FHIT: variants seen among roughly 807,000 people sequenced by gnomAD.
FHIT encodes fragile histidine triad diadenosine triphosphatase.
FHIT carries 19 observed loss-of-function variants against 17.9 expected under a neutral mutation model. The observed-to-expected ratio is 1.06, with a 90% CI of 0.74 to 1.56. FHIT has a LOEUF of 1.56. Among genes scored for constraint, FHIT ranks in the 40% most tolerant of loss-of-function variants. The pLI, the probability that FHIT is intolerant of heterozygous loss-of-function variation, is 0.00. For missense variants in FHIT, 248 were observed against 189.2 expected (o/e 1.31, Z -1.82); for synonymous variants, 81 against 69.7 (o/e 1.16, Z -0.81).
chr3:60,323,049 G>A (rs1425996523), intron 5 of FHIT, among the ~76,000 whole-genome samples: 1 of 152,094 alleles, frequency 6.6e-6, no homozygotes, highest in Non-Finnish European at 1.5e-5. Flanking sequence ...TGGAAGTAGA[G>A]CATTCTCCCC....
At chr3:59,817,154 A>T (rs1050557711) in intron 8 of FHIT, among the ~76,000 whole-genome samples, 1 of 152,148 alleles carries the variant, frequency 6.6e-6, no homozygotes, top group Admixed American at 6.5e-5. Context: ...CATCTATAAG[A>T]TCCTCTGTTT....
chr3:59,857,325 A>G (rs900947491), intron 8 of FHIT, among the ~76,000 whole-genome samples: 1 of 152,058 alleles, frequency 6.6e-6, no homozygotes, highest in Non-Finnish European at 1.5e-5. Flanking sequence ...ATGTCACCGC[A>G]ACTCTCTCCA....
At chr3:60,603,628 A>G (rs1406756253) in intron 4 of FHIT, among the ~76,000 whole-genome samples, 2 of 152,142 alleles carry the variant, frequency 1.3e-5, no homozygotes, top group Non-Finnish European at 2.9e-5. Flanking sequence ...CTAAAAAGGA[A>G]TACATGAAAT....
intron 5 of FHIT, among the ~76,000 whole-genome samples, chr3:60,063,481 C>T (rs1249980112): frequency 1.3e-5 from 2 of 152,156 alleles, no homozygotes; most frequent in African/African-American, 4.8e-5. Context: ...AGCTCATCTG[C>T]CTTCCCTCCC....
At chr3:60,301,352 T>C (rs1708453168) in intron 5 of FHIT, among the ~76,000 whole-genome samples, 1 of 152,160 alleles carries the variant, frequency 6.6e-6, no homozygotes, top group African/African-American at 2.4e-5. Flanking sequence ...ACATCAGCCA[T>C]AACTTGCAAA....
At chr3:60,931,507 A>C (rs1707952809) in intron 3 of FHIT, among the ~76,000 whole-genome samples, 1 of 152,320 alleles carries the variant, frequency 6.6e-6, no homozygotes, top group East Asian at 1.9e-4. Flanking sequence ...CCTAATTCCA[A>C]ATGCTGCCGC....
intron 3 of FHIT, among the ~76,000 whole-genome samples, chr3:60,914,254 A>G (rs946745857): frequency 1.1e-4 from 17 of 152,246 alleles, no homozygotes; most frequent in African/African-American, 4.1e-4. Context: ...GGAGCTTGTT[A>G]TAATACAATT....
chr3:60,282,196 A>C (rs1228021582), intron 5 of FHIT, among the ~76,000 whole-genome samples: 1 of 152,210 alleles, frequency 6.6e-6, no homozygotes, highest in African/African-American at 2.4e-5. Context: ...TGTTCACACA[A>C]AAGTCTGCTT....
chr3:60,545,341 T>C (rs1052747218), intron 4 of FHIT, among the ~76,000 whole-genome samples: 1 of 152,208 alleles, frequency 6.6e-6, no homozygotes, highest in Non-Finnish European at 1.5e-5. Flanking sequence ...TTATGAATTA[T>C]TTTTACTTTA....
intron 5 of FHIT, among the ~76,000 whole-genome samples, chr3:60,377,459 G>A (rs984904173): frequency 1.4e-4 from 16 of 117,722 alleles, no homozygotes; most frequent in African/African-American, 3.5e-4. Context: ...GCCCAGCCAA[G>A]AATTCTTTTT....
At chr3:60,948,013 T>C (rs1328079181) in intron 3 of FHIT, among the ~76,000 whole-genome samples, 1 of 152,154 alleles carries the variant, frequency 6.6e-6, no homozygotes, top group Non-Finnish European at 1.5e-5. Context: ...CCCTAAAATA[T>C]ATAATTAAGA....
chr3:60,025,338 A>T (rs1700701626), intron 5 of FHIT, among the ~76,000 whole-genome samples: 1 of 152,210 alleles, frequency 6.6e-6, no homozygotes, highest in Non-Finnish European at 1.5e-5. Flanking sequence ...ATTCTTAAAT[A>T]GTCTCCTGAC....
intron 7 of FHIT, among the ~76,000 whole-genome samples, chr3:59,997,086 C>T (rs185368556): frequency 3.4e-4 from 52 of 152,028 alleles, no homozygotes; most frequent in African/African-American, 1.1e-3. Context: ...TTCTAAGTAC[C>T]GCAATAAATA....
At chr3:59,994,814 A>AGAAC (rs1362589257) in intron 7 of FHIT, among the ~76,000 whole-genome samples, 1 of 152,144 alleles carries the variant, frequency 6.6e-6, no homozygotes, top group Non-Finnish European at 1.5e-5. Flanking sequence ...TATAAAGCTC[A>AGAAC]GAACGTGACA....
chr3:60,356,143 G>A (rs1576527599), intron 5 of FHIT, among the ~76,000 whole-genome samples: 1 of 152,148 alleles, frequency 6.6e-6, no homozygotes, highest in Non-Finnish European at 1.5e-5. Flanking sequence ...TTTATGAGTG[G>A]TATTTAAAAT....
intron 8 of FHIT, among the ~76,000 whole-genome samples, chr3:59,916,000 T>C (rs1251205071): frequency 6.6e-6 from 1 of 152,036 alleles, no homozygotes; most frequent in Non-Finnish European, 1.5e-5. Context: ...CAGTTAATAT[T>C]GAGTGTCAAC....
chr3:60,166,811 T>A (rs1343409261), intron 5 of FHIT, among the ~76,000 whole-genome samples: 1 of 152,108 alleles, frequency 6.6e-6, no homozygotes, highest in Non-Finnish European at 1.5e-5. Flanking sequence ...CTTAAGGGAG[T>A]GCCCTGCCAC....
At chr3:60,554,969 G>T (rs554630790) in intron 4 of FHIT, among the ~76,000 whole-genome samples, 1 of 152,196 alleles carries the variant, frequency 6.6e-6, no homozygotes, top group African/African-American at 2.4e-5. Flanking sequence ...TATTTTAAGT[G>T]GTCTACCATA....
chr3:61,171,887 G>A lies in FHIT; in HGVS notation c.-164+28730C>T, dbSNP rs188589922. ...GTTTGAAAACCATGGATCCAGAAGT[G>A]TGTGAAAACATAACTACTGCCAGAA... On this transcript the variant is annotated intron_variant, in intron 2 of 9. Coordinates refer to ENST00000492590, the MANE Select transcript of FHIT (RefSeq NM_002012.4). Among the ~76,000 whole-genome samples the A allele has an allele frequency of 2.0e-5, 3 of 152,312 alleles. No individual in the cohort carries two copies. In the East Asian group the frequency reaches 5.8e-4, roughly 29 times the overall value.
Sources: gnomAD v4.1 joint callset for allele counts (sites outside exome capture counted in the v4.1 genomes callset) on GRCh38, gnomAD v4.1.1 for gene constraint, MANE v1.5 for transcripts, NCBI Gene and HGNC (gene_info 2026-07-23, HGNC 2026-07-21) for gene names.